Variants in CLTCL1 observed in about 807,000 individuals in gnomAD.
CLTCL1 encodes the protein clathrin heavy chain 2.
In CLTCL1, 159 loss-of-function variants were observed where a neutral mutation model predicts 190.0. That is an observed-to-expected ratio of 0.84 (90% CI 0.74 to 0.95). The LOEUF is 0.95. Among genes scored for constraint, CLTCL1 ranks in the 40% least tolerant of loss-of-function variants. The pLI is 0.00. For missense variants in CLTCL1, 1,878 were observed against 2,033.4 expected (o/e 0.92, Z 1.47); for synonymous variants, 752 against 769.6 (o/e 0.98, Z 0.38).
rs566263807 is a variant in CLTCL1 at position 19,212,651 on chromosome 22, GAAAGAAAGAAAGA to G, written c.3066-2155_3066-2143del. Among the ~76,000 whole-genome samples the G allele has an allele frequency of 7.3e-3, 1,080 of 148,826 alleles. 16 individuals are homozygous for G. Among genetic ancestry groups the G allele is most frequent in the South Asian group, 0.05 (237 of 4,726 alleles). On this transcript the variant is annotated intron_variant, in intron 19 of 32. Transcript: ENST00000427926. ...GAAAGAAAGAAAGAGAAAGAAAAAAGAAAGAAAGAAAGAAAAGAAAGAAAGAAAGAACAAAGGT... is the reference window on the plus strand; with the variant it reads ...GAAAGAAAGAAAGAGAAAGAAAAAAGAAAGAAAGAAAGAAAGAACAAAGGT...
chr22:19,270,724 C>CA (rs2087285450), intron 2 of CLTCL1, among the ~76,000 whole-genome samples: 1 of 65,176 alleles, frequency 1.5e-5, no homozygotes. Context: ...GAGACTCCAA[C>CA]TCAAAAAAAA....
intron 26 of CLTCL1, among the ~76,000 whole-genome samples, chr22:19,193,408 G>A (rs563483801): frequency 1.1e-4 from 16 of 152,286 alleles, no homozygotes; most frequent in African/African-American, 2.9e-4. Flanking sequence ...GGAATGGAGC[G>A]GCGGGGCCCC....
chr22:19,195,974 T>C (rs2084687976), intron 26 of CLTCL1, among the ~76,000 whole-genome samples: 1 of 151,418 alleles, frequency 6.6e-6, no homozygotes, highest in Non-Finnish European at 1.5e-5. Flanking sequence ...CGTGGTATGG[T>C]GGGAGGGGCG....
rs1601476747 is a variant in CLTCL1, at chr22:19,196,169, G to A, written c.4191+97C>T. 2.4e-6 allele frequency: 3 copies of A among 1,266,240 alleles called. No homozygotes were observed. The South Asian group carries it at 4.2e-5, about 18-fold the overall frequency. The allele number at this position is 1,266,240 out of a possible 1,614,324, so 78.4% of individuals were successfully genotyped here. On this transcript the variant is annotated intron_variant, in intron 26 of 32. Transcript: ENST00000427926. ...GAACGCACACACAGCATGGGGGCATGCTGGTACTCATTCCACTCCCACCTG... is the reference window on the plus strand; with the variant it reads ...GAACGCACACACAGCATGGGGGCATACTGGTACTCATTCCACTCCCACCTG...
intron 1 of CLTCL1, among the ~76,000 whole-genome samples, chr22:19,280,818 CAAAAAAA>C (rs35797654): frequency 1.7e-5 from 1 of 59,458 alleles, no homozygotes; most frequent in Non-Finnish European, 3.2e-5. Flanking sequence ...GACTCCATCT[CAAAAAAA>C]AAAAAAAAAA....
chr22:19,247,447 CATGT>C (rs1451998140), intron 3 of CLTCL1, among the ~76,000 whole-genome samples: 3 of 152,194 alleles, frequency 2.0e-5, no homozygotes, highest in African/African-American at 7.2e-5. Flanking sequence ...AAAGCATATA[CATGT>C]AACTATGATT....
At chr22:19,240,941 C>G (rs1555965092) in intron 4 of CLTCL1, among the ~76,000 whole-genome samples, 2 of 152,210 alleles carry the variant, frequency 1.3e-5, no homozygotes, top group African/African-American at 4.8e-5. Flanking sequence ...CATGTGGAGA[C>G]AGCTGGCCAG....
At chr22:19,232,726 G>A (rs1380656585) in intron 9 of CLTCL1, 128 bp from the exon 10 acceptor site, 5 of 1,192,150 alleles carry the variant, frequency 4.2e-6, no homozygotes, top group Non-Finnish European at 3.5e-6. Context: ...TCATGTGTAG[G>A]TACCACCTTC....
intron 19 of CLTCL1, among the ~76,000 whole-genome samples, chr22:19,213,658 G>A (rs1239105284): frequency 6.6e-6 from 1 of 152,194 alleles, no homozygotes; most frequent in Non-Finnish European, 1.5e-5. Flanking sequence ...GCATCATCAC[G>A]CTGGGTGAAA....
intron 29 of CLTCL1, chr22:19,183,932 T>C (rs2084226754): frequency 2.5e-6 from 1 of 408,070 alleles, no homozygotes; most frequent in Non-Finnish European, 4.6e-6. Flanking sequence ...TTGGGGGTTG[T>C]GGGGCTGCTG....
At chr22:19,215,520 T>C (rs1238522061) in intron 19 of CLTCL1, among the ~76,000 whole-genome samples, 1 of 152,098 alleles carries the variant, frequency 6.6e-6, no homozygotes, top group African/African-American at 2.4e-5. Flanking sequence ...ACCTCTATAG[T>C]GCTGGTCCAT....
intron 30 of CLTCL1, chr22:19,181,637 C>T (rs2084142702): frequency 6.6e-6 from 1 of 152,416 alleles, no homozygotes; most frequent in Admixed American, 6.5e-5. Context: ...CCACGAGGCC[C>T]CAGGCCCAGC....
chr22:19,207,508 G>C (rs1359450310), intron 22 of CLTCL1: 2 of 401,536 alleles, frequency 5.0e-6, no homozygotes, highest in Non-Finnish European at 8.8e-6. Context: ...AATAGCAACA[G>C]GTTACTTACT....
At chr22:19,226,074 C>T (rs1390398469) in intron 12 of CLTCL1, 145 bp downstream of exon 12, 4 of 948,692 alleles carry the variant, frequency 4.2e-6, no homozygotes, top group Non-Finnish European at 6.2e-6. Context: ...ATTAGAACTG[C>T]TTTTGGTAGT....
rs2146439887 is a variant in CLTCL1, at chr22:19,291,682, G to A, written c.-41C>T. 2.2e-6 allele frequency: 3 copies of A among 1,343,418 alleles called. No homozygotes were observed. Among genetic ancestry groups the A allele is most frequent in the Non-Finnish European group, 1.9e-6 (2 of 1,036,664 alleles). 83.2% of individuals were successfully genotyped at this position (1,343,418 alleles called of 1,614,324 possible). ...TCGGCGGCGGCGGCGGCAGCGGCAG[G>A]AATGAACGCCGACCCCTCGCGCGGG... On this transcript the variant is annotated 5_prime_UTR_variant, in exon 1 of 33. Coordinates refer to ENST00000427926, the MANE Select transcript of CLTCL1 (RefSeq NM_007098.4).
chr22:19,291,657 T>TCTG lies in CLTCL1; in HGVS notation c.-17_-16insCAG, dbSNP rs2088132077. 2 of 1,367,784 alleles carry TCTG rather than the reference T, an allele frequency of 1.5e-6. No homozygotes were observed. The highest frequency in any genetic ancestry group is 3.0e-5 in the African/African-American group (2 of 65,898). 84.7% of individuals were successfully genotyped at this position (1,367,784 alleles called of 1,614,324 possible). ...TCTGCGCCATGGCTGGTGCGGGACC[T>TCTG]CGGCGGCGGCGGCGGCAGCGGCAGG... is the stretch of plus-strand genomic sequence containing the variant. On this transcript the variant is annotated 5_prime_UTR_variant, in exon 1 of 33. Coordinates refer to ENST00000427926, the MANE Select transcript of CLTCL1 (RefSeq NM_007098.4).
At chr22:19,262,359 G>A (rs1259751755) in intron 2 of CLTCL1, among the ~76,000 whole-genome samples, 4 of 151,326 alleles carry the variant, frequency 2.6e-5, no homozygotes, top group Non-Finnish European at 4.4e-5. Flanking sequence ...CCAGCCTGTC[G>A]CGGTGGCTCA....
At chr22:19,203,742 T>C (rs549564561) in intron 22 of CLTCL1, among the ~76,000 whole-genome samples, 2 of 152,274 alleles carry the variant, frequency 1.3e-5, no homozygotes, top group East Asian at 3.9e-4. Context: ...ACATCTCTAG[T>C]CTGGGCTTCT....
intron 1 of CLTCL1, among the ~76,000 whole-genome samples, chr22:19,279,924 C>T (rs1251744493): frequency 3.9e-5 from 6 of 152,172 alleles, no homozygotes; most frequent in African/African-American, 1.4e-4. Context: ...TGAACTGCAC[C>T]TCAGTGGTGC....
Sources: gnomAD v4.1 joint callset for allele counts (sites outside exome capture counted in the v4.1 genomes callset) on GRCh38, gnomAD v4.1.1 for gene constraint, MANE v1.5 for transcripts, NCBI Gene and HGNC (gene_info 2026-07-23, HGNC 2026-07-21) for gene names.